Variants in ARRDC2 observed in about 807,000 individuals in gnomAD.
The protein encoded by ARRDC2 is arrestin domain containing 2, also known as arrestin domain-containing protein 2.
ARRDC2 carries 39 observed loss-of-function variants against 38.9 expected under a neutral mutation model. That is an observed-to-expected ratio of 1.00 (90% CI 0.78 to 1.31). ARRDC2 has a LOEUF of 1.31. Among genes scored for constraint, ARRDC2 ranks in the 50% most tolerant of loss-of-function variants. The probability of loss-of-function intolerance (pLI) is 0.00; values close to 1 mark genes in which losing one functional copy is unlikely to be tolerated. For missense variants in ARRDC2, 553 were observed against 588.4 expected (o/e 0.94, Z 0.62); for synonymous variants, 300 against 261.9 (o/e 1.15, Z -1.41).
upstream of ARRDC2, chr19:18,008,123 C>CCCCCCCCCCCCCCGGGGGAAATGGGCGCG: frequency 1.4e-6 from 1 of 691,106 alleles, no homozygotes; most frequent in Non-Finnish European, 2.0e-6. Flanking sequence ...GTGACCCCAC[C>CCCCCCCCCCCCCCGGGGGAAATGGGCGCG]CCCCCCCGCC....
chr19:18,005,886 C>T (rs1308346062), upstream of ARRDC2, among the ~76,000 whole-genome samples: 2 of 148,600 alleles, frequency 1.3e-5, no homozygotes, highest in Admixed American at 6.6e-5. Context: ...GGCTGCCGGG[C>T]GGAGGGGCTC....
At chr19:18,010,145 G>C (rs373271676) in intron 5 of ARRDC2, 51 bp from the exon 6 acceptor site, 2 of 1,606,368 alleles carry the variant, frequency 1.2e-6, no homozygotes, top group Non-Finnish European at 1.7e-6. Context: ...GGAGGGAGGT[G>C]GGGGTTGGGG....
intron 7 of ARRDC2, among the ~76,000 whole-genome samples, chr19:18,011,660 G>A (rs1203181278): frequency 6.6e-6 from 1 of 151,918 alleles, no homozygotes; most frequent in East Asian, 1.9e-4. Context: ...GAGGCCAGAA[G>A]TATAAGACCA....
intron 7 of ARRDC2, 27 bp from the exon 8 acceptor site, chr19:18,012,886 G>A (rs773617062): frequency 6.2e-7 from 1 of 1,608,680 alleles, no homozygotes; most frequent in African/African-American, 1.3e-5. Flanking sequence ...AGTGTTCTCT[G>A]AGGCTTAATG....
chr19:18,009,663 G>T lies in ARRDC2; in HGVS notation c.561G>T (p.Ser187=). 6.2e-7 allele frequency: 1 copy of T among 1,611,150 alleles called. No homozygotes were observed. Among genetic ancestry groups the T allele is most frequent in the African/African-American group, 1.3e-5 (1 of 74,966 alleles). The change falls in exon 4 of 8, where the codon TCG becomes TCT. Residue 187 remains serine (S), a synonymous_variant. Transcript: ENST00000222250. ...WYCNRGLVSL[S]AKIDRKGYTP... is the part of the protein sequence containing the mutation. ...GTAACCGTGGCCTAGTCTCCCTTTCGGCCAAGATCGACCGCAAGGGCTACA... is the reference window on the plus strand; with the variant it reads ...GTAACCGTGGCCTAGTCTCCCTTTCTGCCAAGATCGACCGCAAGGGCTACA...
exon 1 of ARRDC2, chr19:18,001,222 A>G (rs1483538913): frequency 1.0e-5 from 11 of 1,101,478 alleles, no homozygotes; most frequent in Non-Finnish European, 1.2e-5. Flanking sequence ...GGGGGACGCG[A>G]CGGGGGAACG....
At chr19:18,004,588 C>T (rs969392915), upstream of ARRDC2, among the ~76,000 whole-genome samples, 1 of 151,222 alleles carries the variant, frequency 6.6e-6, no homozygotes, top group African/African-American at 2.4e-5. Flanking sequence ...ACTCAGGGGG[C>T]TAAGGCAGGA....
upstream of ARRDC2, chr19:18,008,116 A>AGGGCCCC: frequency 3.8e-6 from 2 of 522,490 alleles, no homozygotes; most frequent in African/African-American, 5.6e-5. Context: ...AGAGACGGTG[A>AGGGCCCC]CCCCACCCCC....
upstream of ARRDC2, chr19:18,008,120 C>CCCCCCCCCCCCCCCCCCCCCG: frequency 3.5e-6 from 2 of 572,700 alleles, no homozygotes; most frequent in Non-Finnish European, 5.1e-6. Context: ...ACGGTGACCC[C>CCCCCCCCCCCCCCCCCCCCCG]ACCCCCCCCC....
chr19:18,008,129 C>A (rs1035806851), upstream of ARRDC2: 9 of 1,074,162 alleles, frequency 8.4e-6, no homozygotes, highest in South Asian at 8.4e-5. Context: ...CCACCCCCCC[C>A]CGCCCTGCCG....
upstream of ARRDC2, among the ~76,000 whole-genome samples, chr19:18,005,775 C>G (rs2033262433): frequency 6.6e-6 from 1 of 151,772 alleles, no homozygotes; most frequent in Admixed American, 6.6e-5. Flanking sequence ...GCTGACCCCC[C>G]ACCTCCCTCC....
Position 18,009,721 on chromosome 19 carries a change from G to A in ARRDC2, c.592+27G>A, listed in dbSNP as rs781651291. On this transcript the variant is annotated intron_variant, in intron 4 of 7. Coordinates refer to ENST00000222250, the MANE Select transcript of ARRDC2 (RefSeq NM_015683.2). ...TAGCAGGCGGACCGGACTGGGTTGG[G>A]ACGGGGGCTGGTGTTGGGGTTGCAG... The A allele has an allele frequency of 5.0e-6, 8 of 1,612,686 alleles. No homozygotes were observed. In the African/African-American group the frequency reaches 9.3e-5, roughly 19 times the overall value.
chr19:18,013,333 C>A lies in ARRDC2; in HGVS notation c.*367C>A. On this transcript the variant is annotated 3_prime_UTR_variant, in exon 8 of 8. Coordinates refer to ENST00000222250, the MANE Select transcript of ARRDC2 (RefSeq NM_015683.2). ...TCACAGAACCAGAAGAAGAGACCTG[C>A]AACTGTGAGAGTCCAGACAGGAAGC... is the stretch of plus-strand genomic sequence containing the variant. 4.8e-6 allele frequency: 1 copy of A among 209,928 alleles called. No individual in the cohort carries two copies. The highest frequency in any genetic ancestry group is 1.3e-4 in the South Asian group (1 of 7,720). 13.0% of individuals were successfully genotyped at this position (209,928 alleles called of 1,614,324 possible). A position where few individuals can be genotyped will look rare whatever the true frequency, so the allele number is the denominator to read the frequency against.
At chr19:18,009,537 C>A (rs76737668) in intron 3 of ARRDC2, 55 bp from the exon 4 acceptor site, 1 of 1,488,934 alleles carries the variant, frequency 6.7e-7, no homozygotes, top group Non-Finnish European at 9.1e-7. Context: ...AGCTCCACAG[C>A]GACTGTGGTT....
intron 7 of ARRDC2, among the ~76,000 whole-genome samples, chr19:18,011,242 C>T (rs1042347781): frequency 6.6e-6 from 1 of 152,150 alleles, no homozygotes; most frequent in African/African-American, 2.4e-5. Context: ...AGGTGATGGC[C>T]TGCCTCGGCA....
upstream of ARRDC2, among the ~76,000 whole-genome samples, chr19:18,003,585 C>G (rs376432732): frequency 2.9e-4 from 44 of 151,764 alleles, no homozygotes; most frequent in Admixed American, 7.2e-4. Context: ...CTCAGCCTCC[C>G]GAGTAGCTGG....
upstream of ARRDC2, among the ~76,000 whole-genome samples, chr19:18,003,740 C>G (rs1044090716): frequency 6.6e-6 from 1 of 150,458 alleles, no homozygotes; most frequent in Admixed American, 6.6e-5. Context: ...CCCGGGTTCA[C>G]GCCATTCTCC....
intron 4 of ARRDC2, 34 bp downstream of exon 4, chr19:18,009,728 G>A (rs2033366047): frequency 1.2e-6 from 2 of 1,612,776 alleles, no homozygotes; most frequent in Non-Finnish European, 1.7e-6. Context: ...TGGGACGGGG[G>A]CTGGTGTTGG....
intron 3 of ARRDC2, 133 bp downstream of exon 3, chr19:18,009,251 G>T: frequency 1.8e-6 from 2 of 1,088,936 alleles, no homozygotes; most frequent in Non-Finnish European, 2.6e-6. Context: ...GTGTGGGAAT[G>T]CGTGTGGAAT....
Sources: gnomAD v4.1 joint callset for allele counts (sites outside exome capture counted in the v4.1 genomes callset) on GRCh38, gnomAD v4.1.1 for gene constraint, MANE v1.5 for transcripts, NCBI Gene and HGNC (gene_info 2026-07-23, HGNC 2026-07-21) for gene names.